Variants in CDCA5 observed in about 807,000 individuals in gnomAD.
CDCA5 encodes cell division cycle associated 5.
A neutral mutation model predicts 25.7 loss-of-function variants in CDCA5; 14 were observed. The ratio of observed to expected loss-of-function variants is 0.54; its 90% confidence interval spans 0.36 to 0.85. CDCA5 has a LOEUF of 0.85. Ranked by LOEUF, CDCA5 falls within the 40% of genes least tolerant of loss-of-function variation. CDCA5 has a pLI of 0.01. For missense variants in CDCA5, 307 were observed against 324.5 expected, an observed-to-expected ratio of 0.95 and a Z score of 0.41; for synonymous variants, 127 against 128.7, an observed-to-expected ratio of 0.99 and a Z score of 0.09.
rs767802234 is a variant in CDCA5, at chr11:65,084,004, C to A, written c.-26G>T. 6.3e-7 allele frequency: 1 copy of A among 1,598,752 alleles called. No individual in the cohort carries two copies. On this transcript the variant is annotated 5_prime_UTR_variant, in exon 1 of 6. Coordinates refer to ENST00000275517, the MANE Select transcript of CDCA5 (RefSeq NM_080668.4). ...AACTTAGGCTCCGTCTCGAGCTCCT[C>A]CAGCGCCGCCGCCCCGGGCGCGCGC...
At chr11:65,068,592 C>T (rs1236801469) in exon 2 of CDCA5, 1 of 1,288,762 alleles carries the variant, frequency 7.8e-7, no homozygotes, top group Non-Finnish European at 1.0e-6. Context: ...CTTTGTCTGC[C>T]CCTAAGAGAC....
intron 2 of CDCA5, chr11:65,068,185 C>T (rs557987267): frequency 2.0e-6 from 2 of 995,888 alleles, no homozygotes; most frequent in South Asian, 1.3e-5. Flanking sequence ...CCTGGGTCCT[C>T]CCACACCCCC....
At chr11:65,073,630 C>T (rs1947384226), downstream of CDCA5, among the ~76,000 whole-genome samples, 1 of 152,212 alleles carries the variant, frequency 6.6e-6, no homozygotes, top group Non-Finnish European at 1.5e-5. Flanking sequence ...GGCCTGGAGT[C>T]CTCATGAGCC....
Position 65,078,555 on chromosome 11 carries a change from CAG to C in CDCA5, c.*550_*551del, listed in dbSNP as rs1483021979. ...GAATGTCCAGCTTCTTCCTCCAAGACAGAATTGCCCTCAGCCCACGAATTCTC... is the reference window on the plus strand; with the variant it reads ...GAATGTCCAGCTTCTTCCTCCAAGACAATTGCCCTCAGCCCACGAATTCTC... On this transcript the variant is annotated 3_prime_UTR_variant, in exon 6 of 6. Coordinates refer to ENST00000275517, the MANE Select transcript of CDCA5 (RefSeq NM_080668.4). 1.0e-6 allele frequency: 1 copy of C among 985,646 alleles called. No homozygotes were observed. Among genetic ancestry groups the C allele is most frequent in the East Asian group, 1.1e-4 (1 of 8,832 alleles). The allele number at this position is 985,646 out of a possible 1,614,324, so 61.1% of individuals were successfully genotyped here.
At chr11:65,062,849 G>C (rs1367237659), downstream of CDCA5, among the ~76,000 whole-genome samples, 1 of 152,100 alleles carries the variant, frequency 6.6e-6, no homozygotes, top group African/African-American at 2.4e-5. Flanking sequence ...TTTCTCCATT[G>C]CATCTATCCT....
In CDCA5 at chr11:65,078,126, G is replaced by A. The variant is rs896142707; in HGVS notation, c.*981C>T. On this transcript the variant is annotated 3_prime_UTR_variant, in exon 6 of 6. Transcript: ENST00000275517. ...TGTCTGGTACGCGAGGAAACTTTCC[G>A]AGGACTTTACAAGCATAGTTGCAAA... is the stretch of plus-strand genomic sequence containing the variant. 15 of 985,046 alleles carry A rather than the reference G, an allele frequency of 1.5e-5. 1 individual carries two copies. The East Asian group carries it at 3.4e-4, about 22-fold the overall frequency. The allele number at this position is 985,046 out of a possible 1,614,324, so 61.0% of individuals were successfully genotyped here.
At chr11:65,082,760 C>A (rs1053593978) in intron 4 of CDCA5, among the ~76,000 whole-genome samples, 3 of 152,004 alleles carry the variant, frequency 2.0e-5, no homozygotes, top group Non-Finnish European at 4.4e-5. Flanking sequence ...CTGCACCCGG[C>A]CTCTACTTGT....
intron 6 of CDCA5, chr11:65,066,529 C>G (rs899178706): frequency 1.9e-5 from 24 of 1,289,220 alleles, no homozygotes; most frequent in Non-Finnish European, 2.4e-5. Context: ...CTTCCCTCCC[C>G]GCTGCCATGG....
chr11:65,078,850 T>C lies in CDCA5; in HGVS notation c.*257A>G, dbSNP rs1947496928. 8.3e-7 allele frequency: 1 copy of C among 1,204,900 alleles called. No homozygotes were observed. Among genetic ancestry groups the C allele is most frequent in the South Asian group, 4.1e-5 (1 of 24,440 alleles). The allele number at this position is 1,204,900 out of a possible 1,614,324, so 74.6% of individuals were successfully genotyped here. A position where few individuals can be genotyped will look rare whatever the true frequency, so the allele number is the denominator to read the frequency against. On this transcript the variant is annotated 3_prime_UTR_variant, in exon 6 of 6. Transcript: ENST00000275517. ...CCCATCTGGAAACTGGCTATGGTAC[T>C]TTGGGGAGATAGGAAGGACAGGACG... is the stretch of plus-strand genomic sequence containing the variant.
Position 65,083,703 on chromosome 11 carries a change from T to C in CDCA5, c.67A>G (p.Thr23Ala), listed in dbSNP as rs895256499. Residue 23 changes from threonine to alanine, a missense_variant, in exon 2 of 6, where the codon ACT (threonine) becomes GCT (alanine). Transcript: ENST00000275517. ...CGCTGGGACCTCCGCAGAGGCTTAG[T>C]AGGAGATGGGGCCCTTGGCCCTGGA... ...QRSGPRAPSP[T>A]KPLRRSQRKS... 16 of 1,613,906 alleles carry C rather than the reference T, an allele frequency of 9.9e-6. No individual in the cohort carries two copies. The Admixed American group carries it at 1.0e-4, about 10-fold the overall frequency.
At chr11:65,071,517 G>A (rs1784142646) in intron 1 of CDCA5, among the ~76,000 whole-genome samples, 1 of 151,888 alleles carries the variant, frequency 6.6e-6, no homozygotes, top group South Asian at 2.1e-4. Flanking sequence ...GTTTCACCAT[G>A]TTGGTCAGGC....
chr11:65,078,867 G>C lies in CDCA5; in HGVS notation c.*240C>G, dbSNP rs1254408557. 1 of 1,226,270 alleles carries C rather than the reference G, an allele frequency of 8.2e-7. No individual in the cohort carries two copies. Among genetic ancestry groups the C allele is most frequent in the African/African-American group, 1.6e-5 (1 of 64,312 alleles). The allele number at this position is 1,226,270 out of a possible 1,614,324, so 76.0% of individuals were successfully genotyped here. ...TATGGTACTTTGGGGAGATAGGAAG[G>C]ACAGGACGACAAGAGACAGGACACC... On this transcript the variant is annotated 3_prime_UTR_variant, in exon 6 of 6. Transcript: ENST00000275517.
In CDCA5 at chr11:65,083,678, C is replaced by T. The variant is rs1947624381; in HGVS notation, c.92G>A (p.Arg31Gln). ...SPTKPLRRSQRKSGSELPSIL... is the reference protein window; with the variant it reads ...SPTKPLRRSQQKSGSELPSIL... ...GCTCGGGAGTTCAGAGCCTGATTTC[C>T]GCTGGGACCTCCGCAGAGGCTTAGT... Residue 31 changes from arginine to glutamine, a missense_variant, in exon 2 of 6, where the codon CGG becomes CAG. By Grantham distance (43) the Arg-to-Gln change is conservative. Coordinates refer to ENST00000275517, the MANE Select transcript of CDCA5 (RefSeq NM_080668.4). 6.2e-7 allele frequency: 1 copy of T among 1,614,024 alleles called. No homozygotes were observed. The highest frequency in any genetic ancestry group is 1.3e-5 in the African/African-American group (1 of 74,920).
downstream of CDCA5, among the ~76,000 whole-genome samples, chr11:65,074,862 G>A (rs1188852340): frequency 6.6e-6 from 1 of 151,478 alleles, no homozygotes; most frequent in Non-Finnish European, 1.5e-5. Flanking sequence ...GGGAGTTCAA[G>A]ACCAGTCTGA....
downstream of CDCA5, among the ~76,000 whole-genome samples, chr11:65,062,844 C>T (rs1318683531): frequency 6.6e-6 from 1 of 152,224 alleles, no homozygotes; most frequent in African/African-American, 2.4e-5. Flanking sequence ...TCATTTTTCT[C>T]CATTGCATCT....
In CDCA5 at chr11:65,083,622, G is replaced by T; in HGVS notation, c.141+7C>A. ...CAAGGGGAGGAAGTGAGAAATCTGG[G>T]GCTCACCTTCGGCCAGATTTCAGGG... On this transcript the variant is annotated splice_region_variant and intron_variant, in intron 2 of 5. Coordinates refer to ENST00000275517, the MANE Select transcript of CDCA5 (RefSeq NM_080668.4). The T allele has an allele frequency of 6.2e-7, 1 of 1,614,168 alleles. No individual in the cohort carries two copies. Among genetic ancestry groups the T allele is most frequent in the Non-Finnish European group, 8.5e-7 (1 of 1,179,996 alleles).
In CDCA5 at chr11:65,078,096, G is replaced by A. The variant is rs796543673; in HGVS notation, c.*1011C>T. 3.0e-6 allele frequency: 3 copies of A among 985,440 alleles called. No homozygotes were observed. The highest frequency in any genetic ancestry group is 3.6e-6 in the Non-Finnish European group (3 of 829,966). 61.0% of individuals were successfully genotyped at this position (985,440 alleles called of 1,614,324 possible). On this transcript the variant is annotated 3_prime_UTR_variant, in exon 6 of 6. Coordinates refer to ENST00000275517, the MANE Select transcript of CDCA5 (RefSeq NM_080668.4). ...AAAACTAAAATTGCTATCAGCCCCC[G>A]CCGCTGTCTGGTACGCGAGGAAACT...
chr11:65,076,403 C>T (rs1947446201), downstream of CDCA5, among the ~76,000 whole-genome samples: 1 of 152,238 alleles, frequency 6.6e-6, no homozygotes. Flanking sequence ...GTGTCAGCCA[C>T]TGTGCCCAGC....
At chr11:65,077,392 C>T, downstream of CDCA5, 2 of 901,028 alleles carry the variant, frequency 2.2e-6, no homozygotes, top group East Asian at 1.2e-4. Flanking sequence ...TGATGCAGCC[C>T]ACTGGAGGCC....
Sources: gnomAD v4.1 joint callset for allele counts (sites outside exome capture counted in the v4.1 genomes callset) on GRCh38, gnomAD v4.1.1 for gene constraint, MANE v1.5 for transcripts, NCBI Gene and HGNC (gene_info 2026-07-23, HGNC 2026-07-21) for gene names.